Variants in ATG5 observed in about 807,000 individuals in gnomAD.
ATG5 encodes autophagy protein 5.
Under a neutral mutation model 36.5 loss-of-function variants are expected in ATG5, and 14 were observed. The ratio of observed to expected loss-of-function variants is 0.38; its 90% CI spans 0.25 to 0.60. The LOEUF (loss-of-function observed/expected upper bound fraction) is 0.60, where lower values mean the gene tolerates loss of function less well. Among genes scored for constraint, ATG5 ranks in the 20% least tolerant of loss-of-function variants. ATG5 has a pLI of 0.60. For missense variants in ATG5, 195 were observed against 326.7 expected, an observed-to-expected ratio of 0.60 and a Z score of 3.11; for synonymous variants, 95 against 101.5, an observed-to-expected ratio of 0.94 and a Z score of 0.38.
Position 106,316,093 on chromosome 6 carries a change from G to A in ATG5, c.108+8C>T, listed in dbSNP as rs751336627. 4.4e-6 allele frequency: 7 copies of A among 1,596,902 alleles called. No individual in the cohort carries two copies. The highest frequency in any genetic ancestry group is 2.7e-5 in the African/African-American group (2 of 74,094). On this transcript the variant is annotated splice_region_variant and intron_variant, in intron 2 of 7. Transcript: ENST00000369076. ...AAATATCCCATTTGCCACAATCAAT[G>A]TACTTACATAGTATGGTTCTGCTTC...
intron 6 of ATG5, among the ~76,000 whole-genome samples, chr6:106,246,131 A>ATCTC (rs1778319904): frequency 6.6e-6 from 1 of 152,190 alleles, no homozygotes; most frequent in Non-Finnish European, 1.5e-5. Context: ...AACTGAGATA[A>ATCTC]AGCCAAAAGG....
At chr6:106,253,482 T>C (rs191735570) in intron 5 of ATG5, among the ~76,000 whole-genome samples, 25 of 152,336 alleles carry the variant, frequency 1.6e-4, no homozygotes, top group Admixed American at 1.4e-3. Context: ...AGTAACTGTC[T>C]GAAAATTAAC....
At chr6:106,262,267 C>T (rs1562243238) in intron 5 of ATG5, among the ~76,000 whole-genome samples, 2 of 152,172 alleles carry the variant, frequency 1.3e-5, no homozygotes, top group East Asian at 1.9e-4. Context: ...GGTTTCACCA[C>T]GTTGGTCAGG....
At chr6:106,238,922 G>A (rs1336389390) in intron 6 of ATG5, among the ~76,000 whole-genome samples, 1 of 152,124 alleles carries the variant, frequency 6.6e-6, no homozygotes. Context: ...ATAAAAAAAA[G>A]TGGAGGGGGG....
chr6:106,293,207 G>C (rs1179359639), intron 3 of ATG5, 101 bp from the exon 4 acceptor site: 28 of 894,868 alleles, frequency 3.1e-5, no homozygotes, highest in Non-Finnish European at 4.6e-5. Flanking sequence ...AAATGTCAGG[G>C]GCTTTAATCA....
intron 3 of ATG5, among the ~76,000 whole-genome samples, chr6:106,297,717 AACAC>A (rs56336702): frequency 0.07 from 9,511 of 135,354 alleles, 496 homozygotes; most frequent in African/African-American, 0.17. Flanking sequence ...AAATGACTTA[AACAC>A]ACACACACAC....
intron 1 of ATG5, among the ~76,000 whole-genome samples, chr6:106,319,511 TTC>T (rs2114687013): frequency 6.6e-6 from 1 of 152,284 alleles, no homozygotes; most frequent in African/African-American, 2.4e-5. Flanking sequence ...ACTATGCACT[TTC>T]TGTCCTTTCT....
chr6:106,301,099 T>C (rs1770188829), intron 3 of ATG5, among the ~76,000 whole-genome samples: 1 of 152,048 alleles, frequency 6.6e-6, no homozygotes, highest in Non-Finnish European at 1.5e-5. Context: ...CCAGTTGTGG[T>C]AATAAGAAAC....
rs537821738 is a variant in ATG5 at position 106,285,360 on chromosome 6, T to G, written c.316-5537A>C. Among the ~76,000 whole-genome samples the G allele has an allele frequency of 2.9e-4, 44 of 152,190 alleles. No individual in the cohort carries two copies. The South Asian group carries it at 8.9e-3, about 31-fold the overall frequency. The stretch of plus-strand genomic sequence containing the variant: ...GGTCAGTTTCTATTGAGAGTAAAAT[T>G]TTTTTTTATTTGATATGGACCATAT... On this transcript the variant is annotated intron_variant, in intron 4 of 7. Transcript: ENST00000369076.
In ATG5 at chr6:106,298,567, AAAG is replaced by A. The variant is rs1770074480; in HGVS notation, c.237-5464_237-5462del. The stretch of plus-strand genomic sequence containing the variant: ...CTCCATCTCCATAAAAAAAATAAAT[AAAG>A]TATTAACATAAAAACATTCTAAATA... On this transcript the variant is annotated intron_variant, in intron 3 of 7. Coordinates refer to ENST00000369076, the MANE Select transcript of ATG5 (RefSeq NM_004849.4). Among the ~76,000 whole-genome samples, 3 of 150,310 alleles carry A rather than the reference AAAG, an allele frequency of 2.0e-5. No individual in the cohort carries two copies. In the Admixed American group the frequency reaches 2.1e-4, roughly 10 times the overall value.
chr6:106,292,732 A>C, intron 4 of ATG5, among the ~76,000 whole-genome samples: 1 of 152,184 alleles, frequency 6.6e-6, no homozygotes, highest in Admixed American at 6.5e-5. Flanking sequence ...GGCCTCCCAA[A>C]GTGCTGGGAT....
chr6:106,251,863 C>CA (rs1470121419), intron 5 of ATG5, among the ~76,000 whole-genome samples: 1 of 151,660 alleles, frequency 6.6e-6, no homozygotes, highest in Non-Finnish European at 1.5e-5. Flanking sequence ...TAAAAAGAGA[C>CA]AGAGTCTCGC....
At chr6:106,269,007 T>A (rs933576624) in intron 5 of ATG5, among the ~76,000 whole-genome samples, 3 of 152,206 alleles carry the variant, frequency 2.0e-5, no homozygotes, top group African/African-American at 4.8e-5. Flanking sequence ...GTAACAAACC[T>A]GCACCTTCTG....
At chr6:106,312,083 G>A (rs1480777704) in intron 2 of ATG5, among the ~76,000 whole-genome samples, 1 of 152,098 alleles carries the variant, frequency 6.6e-6, no homozygotes, top group Non-Finnish European at 1.5e-5. Context: ...CACCCACCTT[G>A]GCCTCCCAAA....
At chr6:106,308,779 G>A (rs912682003) in intron 2 of ATG5, among the ~76,000 whole-genome samples, 6 of 152,144 alleles carry the variant, frequency 3.9e-5, no homozygotes, top group African/African-American at 1.4e-4. Flanking sequence ...AATGTAATTA[G>A]ATGTCATACT....
intron 3 of ATG5, 61 bp from the exon 4 acceptor site, chr6:106,293,167 A>C (rs185548825): frequency 7.2e-7 from 1 of 1,391,794 alleles, no homozygotes; most frequent in African/African-American, 1.4e-5. Context: ...TACAAGGCCA[A>C]AATAAATTTC....
At chr6:106,192,628 AG>A (rs756797636) in intron 7 of ATG5, among the ~76,000 whole-genome samples, 11 of 152,216 alleles carry the variant, frequency 7.2e-5, no homozygotes, top group Non-Finnish European at 1.6e-4. Context: ...ATGGAGTAGA[AG>A]TCTAAGATCA....
intron 5 of ATG5, among the ~76,000 whole-genome samples, chr6:106,253,808 T>C (rs1049599020): frequency 6.6e-6 from 1 of 152,210 alleles, no homozygotes; most frequent in Non-Finnish European, 1.5e-5. Flanking sequence ...TTTTAAGTTA[T>C]ATACTAAAAT....
At chr6:106,206,332 T>C (rs900287159) in intron 6 of ATG5, among the ~76,000 whole-genome samples, 5 of 152,162 alleles carry the variant, frequency 3.3e-5, no homozygotes, top group Non-Finnish European at 2.9e-5. Context: ...ACCGAATCTG[T>C]TGAAGCCTTG....
Sources: gnomAD v4.1 joint callset for allele counts (sites outside exome capture counted in the v4.1 genomes callset) on GRCh38, gnomAD v4.1.1 for gene constraint, MANE v1.5 for transcripts, NCBI Gene and HGNC (gene_info 2026-07-23, HGNC 2026-07-21) for gene names.